The following DPYD variants were observed in gnomAD, a reference collection of about 807,000 sequenced individuals.
The protein encoded by DPYD is dihydropyrimidine dehydrogenase [NADP(+)].
Under a neutral mutation model 116.2 loss-of-function variants are expected in DPYD, and 109 were observed. The ratio of observed to expected loss-of-function variants is 0.94; its 90% CI spans 0.80 to 1.10. The LOEUF (loss-of-function observed/expected upper bound fraction) is 1.10. DPYD is among the 50% of genes least tolerant of loss of function. The probability of loss-of-function intolerance (pLI) is 0.00; values close to 1 mark genes in which losing one functional copy is unlikely to be tolerated. For missense variants in DPYD, 1,302 were observed against 1,254.5 expected, an observed-to-expected ratio of 1.04 and a Z score of -0.57; for synonymous variants, 440 against 432.0, an observed-to-expected ratio of 1.02 and a Z score of -0.23.
At chr1:97,442,547 A>G (rs1281291148) in intron 14 of DPYD, among the ~76,000 whole-genome samples, 3 of 151,928 alleles carry the variant, frequency 2.0e-5, no homozygotes, top group Non-Finnish European at 4.4e-5. Flanking sequence ...CTATGCTGAT[A>G]CCAAGAAAAG....
At chr1:97,490,163 A>C (rs10875093) in intron 13 of DPYD, among the ~76,000 whole-genome samples, 93,941 of 151,384 alleles carry the variant, frequency 0.62, 29,315 homozygotes, top group East Asian at 0.76. Context: ...TAATAAATGC[A>C]CCATAAGCTG....
intron 2 of DPYD, among the ~76,000 whole-genome samples, chr1:97,866,757 G>A (rs1265013620): frequency 6.6e-6 from 1 of 151,946 alleles, no homozygotes; most frequent in East Asian, 1.9e-4. Context: ...TGCGTGTTAG[G>A]AAAATTCACA....
At chr1:97,488,817 A>G (rs1227439315) in intron 13 of DPYD, among the ~76,000 whole-genome samples, 1 of 152,206 alleles carries the variant, frequency 6.6e-6, no homozygotes, top group East Asian at 1.9e-4. Flanking sequence ...CTTTTCTTGG[A>G]AATTTCGGCA....
intron 13 of DPYD, among the ~76,000 whole-genome samples, chr1:97,483,748 A>G (rs117960039): frequency 0.018 from 2,768 of 152,268 alleles, 43 homozygotes; most frequent in Non-Finnish European, 0.028. Flanking sequence ...AAAAAGGCTG[A>G]AAGAGGCTTC....
chr1:97,821,918 C>T (rs4329543), intron 3 of DPYD, among the ~76,000 whole-genome samples: 125,032 of 151,928 alleles, frequency 0.82, 51,665 homozygotes, highest in East Asian at 0.98. Flanking sequence ...TTTTAAATCC[C>T]ATTTTACAAA....
intron 5 of DPYD, chr1:97,720,703 A>T: frequency 7.1e-7 from 1 of 1,404,426 alleles, no homozygotes; most frequent in Non-Finnish European, 9.3e-7. Flanking sequence ...TAAGTCATTA[A>T]CTAAAAATCT....
At chr1:97,500,420 GATAT>G (rs1387155727) in intron 13 of DPYD, among the ~76,000 whole-genome samples, 1 of 151,834 alleles carries the variant, frequency 6.6e-6, no homozygotes, top group Non-Finnish European at 1.5e-5. Context: ...GATTCACAGT[GATAT>G]ATAAATTAAT....
chr1:97,337,226 T>C (rs1669338490), intron 16 of DPYD, among the ~76,000 whole-genome samples: 1 of 152,130 alleles, frequency 6.6e-6, no homozygotes, highest in African/African-American at 2.4e-5. Context: ...GAGAGTAAGA[T>C]TTTTAAGAAG....
intron 20 of DPYD, among the ~76,000 whole-genome samples, chr1:97,159,304 G>A (rs1655716363): frequency 6.6e-6 from 1 of 152,038 alleles, no homozygotes; most frequent in Admixed American, 6.6e-5. Flanking sequence ...CATTAGGTAG[G>A]CTTAACAGCA....
intron 13 of DPYD, among the ~76,000 whole-genome samples, chr1:97,483,326 C>T (rs1678426660): frequency 6.6e-6 from 1 of 152,174 alleles, no homozygotes; most frequent in Admixed American, 6.5e-5. Context: ...TCTCCAGTTG[C>T]TTCCTGAGAA....
intron 18 of DPYD, chr1:97,265,489 T>C (rs1488375842): frequency 6.6e-6 from 1 of 152,206 alleles, no homozygotes; most frequent in Non-Finnish European, 1.5e-5. Context: ...TAGGCTCTTT[T>C]ACAAATATAT....
At chr1:97,386,530 T>C (rs1452252957) in intron 14 of DPYD, among the ~76,000 whole-genome samples, 3 of 152,142 alleles carry the variant, frequency 2.0e-5, no homozygotes, top group Non-Finnish European at 2.9e-5. Context: ...ACACTTTGGC[T>C]TAAGGAAATT....
chr1:97,365,721 A>G (rs917922421), intron 16 of DPYD, among the ~76,000 whole-genome samples: 1 of 152,132 alleles, frequency 6.6e-6, no homozygotes, highest in Non-Finnish European at 1.5e-5. Context: ...TCCGTCTCTC[A>G]GGCTCAAGTG....
intron 4 of DPYD, among the ~76,000 whole-genome samples, chr1:97,731,150 T>C (rs1469075252): frequency 6.6e-6 from 1 of 152,140 alleles, no homozygotes; most frequent in Non-Finnish European, 1.5e-5. Context: ...GACTGTAATA[T>C]CACACCATTT....
intron 18 of DPYD, among the ~76,000 whole-genome samples, chr1:97,298,767 C>T (rs1438608011): frequency 6.6e-6 from 1 of 152,058 alleles, no homozygotes; most frequent in Non-Finnish European, 1.5e-5. Context: ...CTCTCCTTTC[C>T]TAATTTCCCT....
intron 13 of DPYD, among the ~76,000 whole-genome samples, chr1:97,511,102 A>G (rs953668292): frequency 6.6e-6 from 1 of 151,942 alleles, no homozygotes; most frequent in Non-Finnish European, 1.5e-5. Context: ...GTGAAGTAGG[A>G]GAACTGATCA....
intron 20 of DPYD, among the ~76,000 whole-genome samples, chr1:97,169,062 A>G (rs1570591844): frequency 6.6e-6 from 1 of 151,810 alleles, no homozygotes; most frequent in Non-Finnish European, 1.5e-5. Flanking sequence ...TGGCCAGGCT[A>G]GTCTCGAACT....
intron 14 of DPYD, among the ~76,000 whole-genome samples, chr1:97,422,352 T>C (rs769007987): frequency 6.6e-6 from 1 of 152,126 alleles, no homozygotes; most frequent in Non-Finnish European, 1.5e-5. Flanking sequence ...TGGAAATGAC[T>C]GGAGAAGCCT....
At chr1:97,261,181 C>G (rs1199187255) in intron 18 of DPYD, among the ~76,000 whole-genome samples, 1 of 151,984 alleles carries the variant, frequency 6.6e-6, no homozygotes, top group South Asian at 2.1e-4. Flanking sequence ...GTCTGGAGTT[C>G]TCTTTCCATG....
Sources: gnomAD v4.1 joint callset for allele counts (sites outside exome capture counted in the v4.1 genomes callset) on GRCh38, gnomAD v4.1.1 for gene constraint, MANE v1.5 for transcripts, NCBI Gene and HGNC (gene_info 2026-07-23, HGNC 2026-07-21) for gene names.